The following SQLE variants were observed in gnomAD, a reference collection of about 807,000 sequenced individuals.
The protein encoded by SQLE is squalene epoxidase.
SQLE carries 29 observed loss-of-function variants against 60.7 expected under a neutral mutation model. That is an observed-to-expected ratio of 0.48 (90% CI 0.36 to 0.65). The LOEUF is 0.65. Ranked by LOEUF, SQLE falls within the 30% of genes least tolerant of loss-of-function variation. SQLE has a pLI of 0.00. For synonymous variants in SQLE, 237 were observed against 246.8 expected (o/e 0.96, Z 0.37); for missense variants, 605 against 684.1 (o/e 0.88, Z 1.29).
In SQLE at chr8:124,998,917, G is replaced by A; in HGVS notation, c.-487G>A. On this transcript the variant is annotated 5_prime_UTR_variant, in exon 1 of 11. Transcript: ENST00000265896. ...CCGTGCCTTCCGGCCGCTGCTCGCCGTCGCCAGAGGCTAGGCCACGTTTCC... is the reference window on the plus strand; with the variant it reads ...CCGTGCCTTCCGGCCGCTGCTCGCCATCGCCAGAGGCTAGGCCACGTTTCC... 1 of 359,784 alleles carries A rather than the reference G, an allele frequency of 2.8e-6. No individual in the cohort carries two copies. Among genetic ancestry groups the A allele is most frequent in the Non-Finnish European group, 5.0e-6 (1 of 201,028 alleles). 22.3% of individuals were successfully genotyped at this position (359,784 alleles called of 1,614,324 possible).
chr8:125,002,569 C>T (rs530017457), intron 1 of SQLE, among the ~76,000 whole-genome samples: 5 of 151,954 alleles, frequency 3.3e-5, no homozygotes, highest in African/African-American at 9.7e-5. Context: ...CCCAGCCACT[C>T]GGGAGGCTGA....
chr8:125,021,992 T>A lies in SQLE; in HGVS notation c.*47T>A. On this transcript the variant is annotated 3_prime_UTR_variant, in exon 11 of 11. Transcript: ENST00000265896. ...GAATGAATATTTGGAACTTACCAAG[T>A]CCTAAGAGACTTTTGGAAGAGGATA... 1.4e-6 allele frequency: 2 copies of A among 1,451,954 alleles called. No individual in the cohort carries two copies. The highest frequency in any genetic ancestry group is 1.9e-6 in the Non-Finnish European group (2 of 1,071,712). 89.9% of individuals were successfully genotyped at this position (1,451,954 alleles called of 1,614,324 possible). A position where few individuals can be genotyped will look rare whatever the true frequency, so the allele number is the denominator to read the frequency against.
chr8:125,003,533 A>T (rs1814898127), intron 2 of SQLE, 105 bp downstream of exon 2: 1 of 1,399,710 alleles, frequency 7.1e-7, no homozygotes, highest in South Asian at 1.5e-5. Context: ...ATTTTCATTT[A>T]TAAAATTTTC....
chr8:124,998,809 G>A lies in SQLE; in HGVS notation c.-595G>A, dbSNP rs994785103. The A allele has an allele frequency of 9.5e-5, 47 of 495,826 alleles. No homozygotes were observed. The Middle Eastern group carries it at 2.0e-3, about 21-fold the overall frequency. The allele number at this position is 495,826 out of a possible 1,614,324, so 30.7% of individuals were successfully genotyped here. A position where few individuals can be genotyped will look rare whatever the true frequency, so the allele number is the denominator to read the frequency against. ...ATCTTTTGTTGGAGAAGGCGTCGGCGTTGGCGTTTTCCCGAGGTTGGGCTG... is the reference window on the plus strand; with the variant it reads ...ATCTTTTGTTGGAGAAGGCGTCGGCATTGGCGTTTTCCCGAGGTTGGGCTG... On this transcript the variant is annotated 5_prime_UTR_variant, in exon 1 of 11. Transcript: ENST00000265896.
At position 125,009,190 on chromosome 8, in the gene SQLE, G is replaced by A; in HGVS notation, c.955G>A (p.Ala319Thr). 1 of 1,608,844 alleles carries A rather than the reference G, an allele frequency of 6.2e-7. No homozygotes were observed. The highest frequency in any genetic ancestry group is 8.5e-7 in the Non-Finnish European group (1 of 1,178,198). Residue 319 changes from alanine (A) to threonine (T), a missense_variant, in exon 6 of 11, where the codon GCA (alanine) becomes ACA (threonine). Ala to Thr is a moderately conservative substitution (Grantham distance 58). Coordinates refer to ENST00000265896, the MANE Select transcript of SQLE (RefSeq NM_003129.4). ...GTTTTAGAATGCACCACAGTTTAAAGCAAATCATGCTGAACTTATTTTAGC... is the reference window on the plus strand; with the variant it reads ...GTTTTAGAATGCACCACAGTTTAAAACAAATCATGCTGAACTTATTTTAGC... ...FLMKNAPQFKANHAELILANP... is the reference protein window; with the variant it reads ...FLMKNAPQFKTNHAELILANP...
At chr8:125,002,821 T>G (rs1241235419) in intron 1 of SQLE, among the ~76,000 whole-genome samples, 2 of 152,248 alleles carry the variant, frequency 1.3e-5, no homozygotes, top group Non-Finnish European at 2.9e-5. Context: ...TAGTTATTAA[T>G]GATACAGTTT....
intron 3 of SQLE, among the ~76,000 whole-genome samples, chr8:125,006,987 G>A (rs1323038608): frequency 2.6e-5 from 4 of 152,174 alleles, no homozygotes; most frequent in Admixed American, 6.5e-5. Context: ...ACAGGTGTGA[G>A]CCACCGTGCC....
intron 7 of SQLE, among the ~76,000 whole-genome samples, chr8:125,012,622 G>T (rs911782229): frequency 3.3e-5 from 5 of 152,160 alleles, no homozygotes; most frequent in African/African-American, 1.2e-4. Flanking sequence ...ATCTTCCATT[G>T]TGTGGCTATA....
In SQLE at chr8:125,020,818, T is replaced by C; in HGVS notation, c.1479T>C (p.Leu493=). 1 of 1,613,502 alleles carries C rather than the reference T, an allele frequency of 6.2e-7. No homozygotes were observed. Among genetic ancestry groups the C allele is most frequent in the Non-Finnish European group, 8.5e-7 (1 of 1,179,556 alleles). The stretch of plus-strand genomic sequence containing the variant: ...ATCAACTAAGAAAAGCCTGTTTTCT[T>C]TATTTCAAACTTGGTGGCGAATGTG... ...SLHQLRKACF[L]YFKLGGECVA... is the part of the protein sequence containing the mutation. Residue 493 remains leucine, a synonymous_variant, in exon 10 of 11, where the codon CTT becomes CTC. Transcript: ENST00000265896.
chr8:124,998,602 G>A lies in SQLE; in HGVS notation c.-802G>A, dbSNP rs1814784211. On this transcript the variant is annotated 5_prime_UTR_variant, in exon 1 of 11. It removes an upstream start codon present in the reference 5' UTR. Coordinates refer to ENST00000265896, the MANE Select transcript of SQLE (RefSeq NM_003129.4). ...GCGAGAGCCGCCGCCCGCGAGGGAT[G>A]CTGGTGAGGAAGCCGTCGGGAGCCG... The A allele has an allele frequency of 2.9e-6, 2 of 687,172 alleles. No homozygotes were observed. The highest frequency in any genetic ancestry group is 5.3e-6 in the Non-Finnish European group (2 of 377,924). 42.6% of individuals were successfully genotyped at this position (687,172 alleles called of 1,614,324 possible).
chr8:125,006,620 CAA>C (rs575609752), intron 3 of SQLE, among the ~76,000 whole-genome samples: 28 of 65,324 alleles, frequency 4.3e-4, no homozygotes, highest in East Asian at 5.0e-4. Context: ...GACTTGGTCT[CAA>C]AAAAAAAAAA....
chr8:125,008,656 G>T, intron 4 of SQLE, among the ~76,000 whole-genome samples: 1 of 152,182 alleles, frequency 6.6e-6, no homozygotes. Context: ...TAATGAGATT[G>T]ACTGCTCTGT....
chr8:125,007,368 A>G, intron 3 of SQLE, 23 bp from the exon 4 acceptor site: 1 of 1,483,142 alleles, frequency 6.7e-7, no homozygotes, highest in Non-Finnish European at 9.1e-7. Context: ...TGCTTTAGAA[A>G]TGTATTTTTT....
In SQLE at chr8:124,999,059, C is replaced by A. The variant is rs1215773901; in HGVS notation, c.-345C>A. ...GAAGAGCCAGTATCAGAAGAGTATC[C>A]ATCACCCGCAGCAACCGCTCAGGGA... On this transcript the variant is annotated 5_prime_UTR_variant, in exon 1 of 11. Transcript: ENST00000265896. 1 of 287,626 alleles carries A rather than the reference C, an allele frequency of 3.5e-6. No homozygotes were observed. Among genetic ancestry groups the A allele is most frequent in the Non-Finnish European group, 6.4e-6 (1 of 157,140 alleles). The allele number at this position is 287,626 out of a possible 1,614,324, so 17.8% of individuals were successfully genotyped here.
intron 4 of SQLE, among the ~76,000 whole-genome samples, chr8:125,008,443 A>T (rs951495207): frequency 1.4e-4 from 22 of 152,090 alleles, no homozygotes; most frequent in African/African-American, 5.1e-4. Flanking sequence ...GTAATTCTGG[A>T]CTGCTCCCCA....
intron 6 of SQLE, 88 bp from the exon 7 acceptor site, chr8:125,011,449 A>G: frequency 9.8e-7 from 1 of 1,020,952 alleles, no homozygotes; most frequent in Non-Finnish European, 1.5e-6. Flanking sequence ...TATAGTAGGC[A>G]TTTGTTTATA....
rs1346064962 is a variant in SQLE at position 125,020,885 on chromosome 8, G to A, written c.1532+14G>A. On this transcript the variant is annotated intron_variant, in intron 10 of 10. Transcript: ENST00000265896. The stretch of plus-strand genomic sequence containing the variant: ...GCTGCTTTCTGTGTAAGTTGTGATG[G>A]CACAGAGGATACAAACCTGCCAGAT... 6.3e-7 allele frequency: 1 copy of A among 1,595,462 alleles called. No homozygotes were observed. The highest frequency in any genetic ancestry group is 1.1e-5 in the South Asian group (1 of 90,404).
At chr8:125,006,416 C>A (rs1022395293) in intron 3 of SQLE, among the ~76,000 whole-genome samples, 12 of 151,758 alleles carry the variant, frequency 7.9e-5, no homozygotes, top group Non-Finnish European at 1.5e-5. Flanking sequence ...GTCAGGAGTT[C>A]AAAACCAGCC....
chr8:124,999,464 A>C lies in SQLE; in HGVS notation c.61A>C (p.Ile21Leu). Residue 21 changes from isoleucine (I) to leucine (L), a missense_variant, in exon 1 of 11, where the codon ATC becomes CTC. By Grantham distance (5) the Ile-to-Leu change is conservative (BLOSUM62 2). Transcript: ENST00000265896. ...TTTTTATAAGAAGTTCGGGGACTTC[A>C]TCACTTTGGCCAACAGGGAGGTCCT... ...TYFYKKFGDF[I>L]TLANREVLLC... The C allele has an allele frequency of 6.4e-7, 1 of 1,563,330 alleles. No homozygotes were observed. The highest frequency in any genetic ancestry group is 8.7e-7 in the Non-Finnish European group (1 of 1,153,948).
Sources: gnomAD v4.1 joint callset for allele counts (sites outside exome capture counted in the v4.1 genomes callset) on GRCh38, gnomAD v4.1.1 for gene constraint, MANE v1.5 for transcripts, NCBI Gene and HGNC (gene_info 2026-07-23, HGNC 2026-07-21) for gene names.